Variants in LRRC4C observed in about 807,000 individuals in gnomAD.
The protein encoded by LRRC4C is leucine rich repeat containing 4C.
Under a neutral mutation model 33.6 loss-of-function variants are expected in LRRC4C, and 5 were observed. The observed-to-expected ratio is 0.15, with a 90% CI of 0.08 to 0.31. The LOEUF is 0.31. LRRC4C is among the 10% of genes least tolerant of loss of function. LRRC4C has a pLI of 1.00. For synonymous variants in LRRC4C, 329 were observed against 302.0 expected, an observed-to-expected ratio of 1.09 and a Z score of -0.93; for missense variants, 560 against 796.7, an observed-to-expected ratio of 0.70 and a Z score of 3.58.
chr11:40,361,626 C>A (rs1947953745), intron 3 of LRRC4C, among the ~76,000 whole-genome samples: 1 of 152,142 alleles, frequency 6.6e-6, no homozygotes, highest in Non-Finnish European at 1.5e-5. Context: ...AAAAAACATT[C>A]CATGCTCATG....
At chr11:40,135,370 A>G (rs1255718555) in intron 6 of LRRC4C, among the ~76,000 whole-genome samples, 1 of 152,214 alleles carries the variant, frequency 6.6e-6, no homozygotes, top group African/African-American at 2.4e-5. Flanking sequence ...CTTAGTTACC[A>G]TGGAATCTTG....
rs183613059 is a variant in LRRC4C, at chr11:40,301,095, C to T, written c.-176+18533G>A. Among the ~76,000 whole-genome samples, 339 of 152,228 alleles carry T rather than the reference C, an allele frequency of 2.2e-3. 1 individual carries two copies. The highest frequency in any genetic ancestry group is 7.8e-3 in the African/African-American group (325 of 41,546). On this transcript the variant is annotated intron_variant, in intron 4 of 6. Transcript: ENST00000528697. Reference sequence around the variant, plus strand: ...GAAGCTTGGGAAGGAAGGGCATTGGCGAAGGGGAGCATGTTGACAGACAAT... The same window carrying T: ...GAAGCTTGGGAAGGAAGGGCATTGGTGAAGGGGAGCATGTTGACAGACAAT...
intron 2 of LRRC4C, among the ~76,000 whole-genome samples, chr11:40,831,961 T>C (rs1009225402): frequency 4.6e-5 from 7 of 152,096 alleles, no homozygotes; most frequent in Non-Finnish European, 8.8e-5. Flanking sequence ...ACATTTAGAT[T>C]TTAAATTATC....
intron 3 of LRRC4C, among the ~76,000 whole-genome samples, chr11:40,384,742 C>A (rs1949038052): frequency 1.3e-5 from 2 of 152,168 alleles, no homozygotes; most frequent in South Asian, 2.1e-4. Context: ...CCTTTCTTTT[C>A]TTTTTTCATC....
chr11:40,355,958 A>T (rs1486628090), intron 3 of LRRC4C, among the ~76,000 whole-genome samples: 2 of 102,584 alleles, frequency 1.9e-5, no homozygotes, highest in African/African-American at 6.2e-5. Context: ...AGTATTGTAT[A>T]GTATAGTATA....
At chr11:41,237,495 G>A (rs1224698553) in intron 1 of LRRC4C, among the ~76,000 whole-genome samples, 2 of 152,128 alleles carry the variant, frequency 1.3e-5, no homozygotes, top group African/African-American at 2.4e-5. Flanking sequence ...TGACAGAGAC[G>A]GGGCAGCCTT....
At chr11:40,590,366 C>G (rs184709772) in intron 3 of LRRC4C, among the ~76,000 whole-genome samples, 16,461 of 117,756 alleles carry the variant, frequency 0.14, 1,463 homozygotes, top group Middle Eastern at 0.18. Context: ...GGTTATTCTA[C>G]TTATACATTC....
chr11:40,640,138 A>G (rs1942019594), intron 3 of LRRC4C, among the ~76,000 whole-genome samples: 4 of 152,244 alleles, frequency 2.6e-5, no homozygotes, highest in Non-Finnish European at 5.9e-5. Flanking sequence ...AAACTGTGAA[A>G]TCACATTCAG....
intron 2 of LRRC4C, among the ~76,000 whole-genome samples, chr11:40,915,669 T>C (rs1337637936): frequency 6.6e-6 from 1 of 152,162 alleles, no homozygotes; most frequent in Non-Finnish European, 1.5e-5. Context: ...CCAAAAGTAA[T>C]GGCAACAAAA....
At position 40,939,251 on chromosome 11, in the gene LRRC4C, C is replaced by T. The variant is rs372950903; in HGVS notation, c.-495-5528G>A. Among the ~76,000 whole-genome samples the T allele has an allele frequency of 3.3e-5, 5 of 152,048 alleles. No homozygotes were observed. The East Asian group carries it at 9.6e-4, about 29-fold the overall frequency. On this transcript the variant is annotated intron_variant, in intron 1 of 6. Coordinates refer to ENST00000528697, the MANE Select transcript of LRRC4C (RefSeq NM_001258419.2). ...GAGATTTAATTTTAAAAAGGTGGCA[C>T]AATGACACTTCTGAAATTCAAAGGG...
At chr11:40,755,673 T>A (rs1188675501) in intron 2 of LRRC4C, among the ~76,000 whole-genome samples, 1 of 152,016 alleles carries the variant, frequency 6.6e-6, no homozygotes, top group African/African-American at 2.4e-5. Context: ...TGTCTTACAA[T>A]GCACCGAAGA....
chr11:40,382,367 T>A (rs1044577122), intron 3 of LRRC4C, among the ~76,000 whole-genome samples: 20 of 151,648 alleles, frequency 1.3e-4, no homozygotes. Flanking sequence ...AAAAAGTCAC[T>A]TTATTGAGGT....
rs149375499 is a variant in LRRC4C at position 41,083,545 on chromosome 11, A to G, written c.-495-149822T>C. ...TGCTGCATCCTGAGAGTCCATGTGG[A>G]TGATACAGCTAGGGAGGAAGACCCA... On this transcript the variant is annotated intron_variant, in intron 1 of 6. Coordinates refer to ENST00000528697, the MANE Select transcript of LRRC4C (RefSeq NM_001258419.2). Among the ~76,000 whole-genome samples the G allele has an allele frequency of 4.0e-4, 61 of 152,292 alleles. 1 individual carries two copies. In the East Asian group the frequency reaches 0.012, roughly 29 times the overall value.
At chr11:40,159,125 C>T (rs1335008517) in intron 5 of LRRC4C, among the ~76,000 whole-genome samples, 1 of 151,996 alleles carries the variant, frequency 6.6e-6, no homozygotes, top group Non-Finnish European at 1.5e-5. Flanking sequence ...AAAATTTGGT[C>T]GTTGTTTTTT....
intron 2 of LRRC4C, among the ~76,000 whole-genome samples, chr11:40,904,924 T>C (rs1029183932): frequency 1.3e-5 from 2 of 152,142 alleles, no homozygotes; most frequent in Non-Finnish European, 2.9e-5. Flanking sequence ...TGAGACATGA[T>C]AAACCACGCT....
At chr11:41,121,780 T>C (rs1403654848) in intron 1 of LRRC4C, among the ~76,000 whole-genome samples, 1 of 152,098 alleles carries the variant, frequency 6.6e-6, no homozygotes, top group Non-Finnish European at 1.5e-5. Context: ...GAAAAGGAGA[T>C]GTTAGCTGAA....
In LRRC4C at chr11:41,219,465, C is replaced by A. The variant is rs146775955; in HGVS notation, c.-496+239966G>T. On this transcript the variant is annotated intron_variant, in intron 1 of 6. Transcript: ENST00000528697. ...GCCCATATCGGAAGACTGCCTTCAA[C>A]TAAAACTGAAGAAATCTTCACACAT... Among the ~76,000 whole-genome samples, 9 of 152,366 alleles carry A rather than the reference C, an allele frequency of 5.9e-5. No individual in the cohort carries two copies. In the East Asian group the frequency reaches 1.7e-3, roughly 29 times the overall value.
At chr11:41,008,015 T>TTTCTTTCGTAATCCAATATTCCATA (rs1854892080) in intron 1 of LRRC4C, among the ~76,000 whole-genome samples, 1 of 152,136 alleles carries the variant, frequency 6.6e-6, no homozygotes, top group Non-Finnish European at 1.5e-5. Context: ...ATTCTTCCAT[T>TTTCTTTCGTAATCCAATATTCCATA]TTCTTTCGTA....
chr11:41,207,495 A>T (rs1946648656), intron 1 of LRRC4C, among the ~76,000 whole-genome samples: 1 of 152,172 alleles, frequency 6.6e-6, no homozygotes, highest in Non-Finnish European at 1.5e-5. Flanking sequence ...AGGCTAAATG[A>T]AGTCAAAAGA....
Sources: gnomAD v4.1 joint callset for allele counts (sites outside exome capture counted in the v4.1 genomes callset) on GRCh38, gnomAD v4.1.1 for gene constraint, MANE v1.5 for transcripts, NCBI Gene and HGNC (gene_info 2026-07-23, HGNC 2026-07-21) for gene names.